Variants in HMBOX1 observed in about 807,000 individuals in gnomAD.
HMBOX1 encodes homeobox-containing protein 1.
Under a neutral mutation model 54.5 loss-of-function variants are expected in HMBOX1, and 14 were observed. That is an observed-to-expected ratio of 0.26 (90% confidence interval 0.17 to 0.40). The LOEUF is 0.40. Among genes scored for constraint, HMBOX1 ranks in the 10% least tolerant of loss-of-function variants. The pLI, the probability that HMBOX1 is intolerant of heterozygous loss-of-function variation, is 1.00. For synonymous variants in HMBOX1, 160 were observed against 181.0 expected, an observed-to-expected ratio of 0.88 and a Z score of 0.93; for missense variants, 332 against 514.4, an observed-to-expected ratio of 0.65 and a Z score of 3.43.
intron 1 of HMBOX1, among the ~76,000 whole-genome samples, chr8:28,913,510 T>G (rs1283432916): frequency 2.0e-5 from 3 of 152,196 alleles, no homozygotes; most frequent in Admixed American, 6.5e-5. Context: ...TTTAAATACT[T>G]CCCTAGATTA....
intron 1 of HMBOX1, among the ~76,000 whole-genome samples, chr8:28,897,193 C>T (rs1296214128): frequency 1.3e-5 from 2 of 151,900 alleles, no homozygotes; most frequent in African/African-American, 4.8e-5. Flanking sequence ...CCATGTTGGT[C>T]ATGCTGGTCT....
At chr8:28,976,273 T>TA (rs1009194989) in intron 3 of HMBOX1, among the ~76,000 whole-genome samples, 5 of 152,030 alleles carry the variant, frequency 3.3e-5, no homozygotes, top group African/African-American at 4.8e-5. Flanking sequence ...TTTTACAATT[T>TA]AAAAAAAAAT....
chr8:28,900,271 A>AAATATATATATATAT (rs747317282), intron 1 of HMBOX1, among the ~76,000 whole-genome samples: 4 of 70,332 alleles, frequency 5.7e-5, no homozygotes, highest in African/African-American at 1.4e-4. Context: ...AAAAAAAAAA[A>AAATATATATATATAT]ATATATATAT....
intron 1 of HMBOX1, among the ~76,000 whole-genome samples, chr8:28,929,154 T>A (rs1367210096): frequency 6.6e-6 from 1 of 152,128 alleles, no homozygotes; most frequent in Non-Finnish European, 1.5e-5. Flanking sequence ...AATAAAGTTT[T>A]GGGGAAATAA....
intron 1 of HMBOX1, among the ~76,000 whole-genome samples, chr8:28,900,797 G>C (rs1813110855): frequency 6.6e-6 from 1 of 151,510 alleles, no homozygotes; most frequent in South Asian, 2.1e-4. Flanking sequence ...AGTTTTTTTT[G>C]TTTGTTTTTT....
intron 4 of HMBOX1, among the ~76,000 whole-genome samples, chr8:28,987,387 G>A (rs1830320233): frequency 1.3e-5 from 2 of 152,062 alleles, no homozygotes; most frequent in Non-Finnish European, 2.9e-5. Context: ...TAAATATACA[G>A]GAATAAATGA....
intron 1 of HMBOX1, among the ~76,000 whole-genome samples, chr8:28,925,164 G>T (rs73241108): frequency 6.6e-6 from 1 of 152,000 alleles, no homozygotes; most frequent in African/African-American, 2.4e-5. Flanking sequence ...AAGTTATATC[G>T]TTCAAATCTC....
intron 1 of HMBOX1, among the ~76,000 whole-genome samples, chr8:28,934,084 TAAC>T (rs1376088252): frequency 1.3e-5 from 2 of 152,042 alleles, no homozygotes; most frequent in African/African-American, 4.8e-5. Context: ...AATGATAAAA[TAAC>T]AAATTGAATC....
rs1329934635 is a variant in HMBOX1, at chr8:29,052,728, G to T, written c.*1573G>T. 1 of 152,124 alleles carries T rather than the reference G, an allele frequency of 6.6e-6. No individual in the cohort carries two copies. Among genetic ancestry groups the T allele is most frequent in the African/African-American group, 2.4e-5 (1 of 41,418 alleles). The allele number at this position is 152,124 out of a possible 1,614,324, so 9.4% of individuals were successfully genotyped here. On this transcript the variant is annotated 3_prime_UTR_variant, in exon 10 of 10. Transcript: ENST00000287701. Reference sequence around the variant, plus strand: ...TGACACACTGTCACTGTGGGTAAGAGGAAAGAGCCTTCAATGTAGCAGCAC... The same window carrying T: ...TGACACACTGTCACTGTGGGTAAGATGAAAGAGCCTTCAATGTAGCAGCAC...
chr8:28,928,427 T>C (rs1046788752), intron 1 of HMBOX1, among the ~76,000 whole-genome samples: 4 of 152,262 alleles, frequency 2.6e-5, no homozygotes, highest in Admixed American at 1.3e-4. Flanking sequence ...AATTGTTACA[T>C]ATATATACAA....
chr8:28,960,547 T>G (rs1360028300), intron 1 of HMBOX1, among the ~76,000 whole-genome samples: 3 of 151,700 alleles, frequency 2.0e-5, no homozygotes, highest in African/African-American at 7.3e-5. Flanking sequence ...TATATCAAAT[T>G]TCTGTTTTTT....
intron 1 of HMBOX1, among the ~76,000 whole-genome samples, chr8:28,944,528 GA>G (rs756323874): frequency 5.3e-5 from 8 of 152,234 alleles, no homozygotes; most frequent in Non-Finnish European, 1.2e-4. Context: ...GGTACTGGAA[GA>G]GGAATTAATA....
chr8:29,023,575 A>G (rs1296158032), intron 6 of HMBOX1, among the ~76,000 whole-genome samples: 2 of 151,846 alleles, frequency 1.3e-5, no homozygotes, highest in Admixed American at 1.3e-4. Flanking sequence ...GCTAATTTTT[A>G]TATTTTTGTA....
intron 4 of HMBOX1, among the ~76,000 whole-genome samples, chr8:29,008,119 G>T (rs980688932): frequency 6.6e-6 from 1 of 152,122 alleles, no homozygotes; most frequent in Non-Finnish European, 1.5e-5. Context: ...GGAGGTTTTA[G>T]GTATAGGTAA....
At position 28,943,358 on chromosome 8, in the gene HMBOX1, G is replaced by A. The variant is rs535848349; in HGVS notation, c.-57-20453G>A. Among the ~76,000 whole-genome samples the A allele has an allele frequency of 2.6e-5, 4 of 152,318 alleles. No individual in the cohort carries two copies. In the South Asian group the frequency reaches 8.3e-4, roughly 32 times the overall value. On this transcript the variant is annotated intron_variant, in intron 1 of 9. Transcript: ENST00000287701. ...AAAGAGTAGTAAATTGTGAAAACAT[G>A]ACAAGGCAAAGGGATTTGGGCTAGA...
intron 2 of HMBOX1, among the ~76,000 whole-genome samples, chr8:28,964,926 A>G (rs576092997): frequency 3.3e-4 from 50 of 152,318 alleles, no homozygotes; most frequent in African/African-American, 1.2e-3. Flanking sequence ...CTTCTCTGTT[A>G]CCATTTCTAT....
At chr8:28,898,221 A>G (rs1812533917) in intron 1 of HMBOX1, among the ~76,000 whole-genome samples, 1 of 132,402 alleles carries the variant, frequency 7.6e-6, no homozygotes, top group African/African-American at 2.9e-5. Flanking sequence ...TCATTTGTCA[A>G]TACTGTGATA....
At chr8:29,041,013 C>T (rs1004223142) in intron 6 of HMBOX1, among the ~76,000 whole-genome samples, 4 of 152,110 alleles carry the variant, frequency 2.6e-5, no homozygotes, top group African/African-American at 9.7e-5. Flanking sequence ...GGTCCAAATA[C>T]ACTTTCCAAA....
chr8:28,925,829 T>G (rs980602776), intron 1 of HMBOX1, among the ~76,000 whole-genome samples: 6 of 152,176 alleles, frequency 3.9e-5, no homozygotes, highest in African/African-American at 1.2e-4. Context: ...AGCTAATGAC[T>G]TTTCTCTCAA....
Sources: gnomAD v4.1 joint callset for allele counts (sites outside exome capture counted in the v4.1 genomes callset) on GRCh38, gnomAD v4.1.1 for gene constraint, MANE v1.5 for transcripts, NCBI Gene and HGNC (gene_info 2026-07-23, HGNC 2026-07-21) for gene names.